SKIC3: variants seen among roughly 807,000 people sequenced by gnomAD.
The protein encoded by SKIC3 is superkiller complex protein 3.
chr5:95,487,206 G>C, the SKIC3 span, among the ~76,000 whole-genome samples: 2 of 152,160 alleles, frequency 1.3e-5, no homozygotes, highest in African/African-American at 4.8e-5. Context: ...GTTCTTCAGT[G>C]TGGGGGCTGG....
At chr5:95,489,431 A>T in the SKIC3 span, among the ~76,000 whole-genome samples, 1 of 152,008 alleles carries the variant, frequency 6.6e-6, no homozygotes, top group Admixed American at 6.6e-5. Context: ...AAGGACTTGC[A>T]CTATCCATAA....
chr5:95,544,060 C>T, the SKIC3 span, among the ~76,000 whole-genome samples: 3 of 152,122 alleles, frequency 2.0e-5, no homozygotes, highest in South Asian at 2.1e-4. Context: ...ATGAGTTAAG[C>T]GAGTCATATT....
the SKIC3 span, among the ~76,000 whole-genome samples, chr5:95,522,989 A>G: frequency 3.3e-5 from 5 of 152,184 alleles, no homozygotes; most frequent in African/African-American, 9.6e-5. Context: ...TAAGACTTCA[A>G]TTCACTAATC....
the SKIC3 span, chr5:95,525,514 C>CA: frequency 1.2e-6 from 2 of 1,613,788 alleles, no homozygotes; most frequent in Admixed American, 3.3e-5. Context: ...ATAAAGTAGA[C>CA]ACCTGTCAAT....
At chr5:95,538,530 T>C in the SKIC3 span, among the ~76,000 whole-genome samples, 1 of 151,886 alleles carries the variant, frequency 6.6e-6, no homozygotes, top group Admixed American at 6.5e-5. Flanking sequence ...TCCTATCCTA[T>C]ATAGAGTCTA....
chr5:95,547,295 C>A, the SKIC3 span: 7 of 695,506 alleles, frequency 1.0e-5, no homozygotes, highest in South Asian at 1.1e-4. Context: ...AGAATATACA[C>A]AGTTTATTCC....
chr5:95,529,456 A>C, the SKIC3 span: 3 of 354,996 alleles, frequency 8.5e-6, no homozygotes, highest in African/African-American at 6.3e-5. Flanking sequence ...GATACTGTGC[A>C]AACTCCTTAC....
the SKIC3 span, among the ~76,000 whole-genome samples, chr5:95,466,133 T>G: frequency 6.6e-6 from 1 of 152,214 alleles, no homozygotes; most frequent in East Asian, 1.9e-4. Flanking sequence ...TTTTTAAAAT[T>G]GTTGGCTAAA....
the SKIC3 span, among the ~76,000 whole-genome samples, chr5:95,481,255 G>A: frequency 6.6e-6 from 1 of 152,076 alleles, no homozygotes; most frequent in African/African-American, 2.4e-5. Flanking sequence ...GAAGGTAACT[G>A]AATCATGAGG....
the SKIC3 span, chr5:95,482,336 C>T: frequency 7.5e-6 from 7 of 933,648 alleles, no homozygotes; most frequent in African/African-American, 9.8e-5. Flanking sequence ...AACCACAATA[C>T]CTTTTAGATC....
At chr5:95,470,618 G>T in the SKIC3 span, among the ~76,000 whole-genome samples, 1 of 151,966 alleles carries the variant, frequency 6.6e-6, no homozygotes, top group African/African-American at 2.4e-5. Flanking sequence ...GAGAGGAAAG[G>T]CTGAAATAAA....
At chr5:95,468,544 AT>A in the SKIC3 span, among the ~76,000 whole-genome samples, 1 of 152,114 alleles carries the variant, frequency 6.6e-6, no homozygotes, top group Admixed American at 6.5e-5. Context: ...CTGTGTTCTA[AT>A]TTTTTCTTTC....
At chr5:95,522,502 A>C in the SKIC3 span, among the ~76,000 whole-genome samples, 1 of 152,114 alleles carries the variant, frequency 6.6e-6, no homozygotes, top group African/African-American at 2.4e-5. Flanking sequence ...TTAATTTCAG[A>C]ATAAGAATAA....
the SKIC3 span, chr5:95,528,944 T>C: frequency 2.8e-6 from 4 of 1,449,410 alleles, no homozygotes; most frequent in Admixed American, 1.7e-5. Context: ...TCCTTTAAGA[T>C]AAAAACAAAT....
the SKIC3 span, chr5:95,516,283 A>G: frequency 6.6e-7 from 1 of 1,520,422 alleles, no homozygotes; most frequent in Non-Finnish European, 9.1e-7. Flanking sequence ...CAAGAAGCTG[A>G]GCTATTGAGG....
chr5:95,540,644 A>C, the SKIC3 span: 1 of 1,608,250 alleles, frequency 6.2e-7, no homozygotes. Flanking sequence ...ATTCAATTAA[A>C]TGATCAATTT....
the SKIC3 span, among the ~76,000 whole-genome samples, chr5:95,541,111 C>G: frequency 6.6e-6 from 1 of 152,076 alleles, no homozygotes; most frequent in Non-Finnish European, 1.5e-5. Flanking sequence ...GTATTACAGG[C>G]ATGCGCCACC....
At chr5:95,546,185 T>C in the SKIC3 span, among the ~76,000 whole-genome samples, 1 of 152,038 alleles carries the variant, frequency 6.6e-6, no homozygotes, top group Admixed American at 6.6e-5. Flanking sequence ...AACCCCATCA[T>C]GCCCATCTCC....
At chr5:95,511,136 C>G in the SKIC3 span, among the ~76,000 whole-genome samples, 1 of 152,284 alleles carries the variant, frequency 6.6e-6, no homozygotes, top group South Asian at 2.1e-4. Context: ...GAGGGCCAGG[C>G]ACAGTGGCTC....
Sources: gnomAD v4.1 joint callset for allele counts (sites outside exome capture counted in the v4.1 genomes callset) on GRCh38, gnomAD v4.1.1 for gene constraint, MANE v1.5 for transcripts, NCBI Gene and HGNC (gene_info 2026-07-23, HGNC 2026-07-21) for gene names.